The following PTK2 variants were observed in gnomAD, a reference collection of about 807,000 sequenced individuals.
The protein encoded by PTK2 is focal adhesion kinase 1.
A neutral mutation model predicts 150.1 loss-of-function variants in PTK2; 45 were observed. The observed-to-expected ratio is 0.30, with a 90% confidence interval of 0.24 to 0.38. The LOEUF (loss-of-function observed/expected upper bound fraction) is 0.38. Among genes scored for constraint, PTK2 ranks in the 10% least tolerant of loss-of-function variants. The pLI is 1.00. For synonymous variants in PTK2, 432 were observed against 449.2 expected (o/e 0.96, Z 0.48); for missense variants, 919 against 1,307.3 (o/e 0.70, Z 4.58).
intron 10 of PTK2, among the ~76,000 whole-genome samples, chr8:140,812,161 C>T (rs1464214280): frequency 6.6e-6 from 1 of 152,102 alleles, no homozygotes; most frequent in African/African-American, 2.4e-5. Context: ...CTAGAAGGGC[C>T]AGGTCACCTG....
intron 1 of PTK2, among the ~76,000 whole-genome samples, chr8:140,955,159 G>A (rs1387980703): frequency 6.6e-6 from 1 of 152,114 alleles, no homozygotes; most frequent in Admixed American, 6.6e-5. Context: ...TTATACAAAA[G>A]ACACAGATAT....
At chr8:140,911,100 A>G (rs933213450) in intron 2 of PTK2, among the ~76,000 whole-genome samples, 1 of 149,898 alleles carries the variant, frequency 6.7e-6, no homozygotes, top group Middle Eastern at 3.4e-3. Flanking sequence ...CATATTGCTC[A>G]GGCTGGTCTC....
chr8:140,981,616 T>C (rs1354220192), intron 1 of PTK2, among the ~76,000 whole-genome samples: 5 of 152,252 alleles, frequency 3.3e-5, no homozygotes, highest in South Asian at 4.1e-4. Flanking sequence ...ACATCGTATA[T>C]GGTTAAAGAA....
intron 1 of PTK2, among the ~76,000 whole-genome samples, chr8:140,976,984 CA>C (rs1433629832): frequency 6.6e-6 from 1 of 152,164 alleles, no homozygotes; most frequent in Non-Finnish European, 1.5e-5. Flanking sequence ...AAAAAAAGCT[CA>C]TTTGTTTGTA....
rs111772125 is a variant in PTK2, at chr8:140,736,606, T to C, written c.1826-1151A>G. ...CTGGCAATGAACATATAATGCAATG[T>C]AAAGGAAATGGAAAGAACTGGTGGC... On this transcript the variant is annotated intron_variant, in intron 21 of 31. Transcript: ENST00000522684. Among the ~76,000 whole-genome samples, 649 of 151,910 alleles carry C rather than the reference T, an allele frequency of 4.3e-3. 9 individuals are homozygous for C. The highest frequency in any genetic ancestry group is 0.015 in the African/African-American group (617 of 41,420).
rs558398813 is a variant in PTK2, at chr8:140,863,107, C to T, written c.450+1205G>A. 2.2e-4 allele frequency among the ~76,000 whole-genome samples: 33 copies of T among 150,958 alleles called. No individual in the cohort carries two copies. The East Asian group carries it at 5.8e-3, about 26-fold the overall frequency. On this transcript the variant is annotated intron_variant, in intron 5 of 31. Coordinates refer to ENST00000522684, the Ensembl canonical transcript of PTK2. The stretch of plus-strand genomic sequence containing the variant: ...ATAGAACAACTTACCTTCTTACCTC[C>T]TTCTTTTGAATCTAATCCACCATTG...
In PTK2 at chr8:140,998,818, CA is replaced by C. The variant is rs959649621; in HGVS notation, c.-122+2306del. ...TGGGCCACAGGGTGAGACTCCGTCTCAAAAAAAAAAAAAAAAAAACTATTTT... is the reference window on the plus strand; with the variant it reads ...TGGGCCACAGGGTGAGACTCCGTCTCAAAAAAAAAAAAAAAAAACTATTTT... On this transcript the variant is annotated intron_variant, in intron 1 of 31. Transcript: ENST00000522684. 4.1e-3 allele frequency among the ~76,000 whole-genome samples: 220 copies of C among 53,524 alleles called. 1 individual carries two copies. Among genetic ancestry groups the C allele is most frequent in the Admixed American group, 9.2e-3 (47 of 5,118 alleles). 35.1% of individuals were successfully genotyped at this position (53,524 alleles called of 152,430 possible).
In PTK2 at chr8:140,668,259, T is replaced by C. The variant is rs777585385; in HGVS notation, c.2865+10A>G. Reference sequence around the variant, plus strand: ...CATTTTTGCCAGTACACAAAATGACTCTATTTTACCTTCACCATAGGGACA... The same window carrying C: ...CATTTTTGCCAGTACACAAAATGACCCTATTTTACCTTCACCATAGGGACA... On this transcript the variant is annotated intron_variant, in intron 30 of 31. Coordinates refer to ENST00000522684, the Ensembl canonical transcript of PTK2. The C allele has an allele frequency of 3.1e-6, 5 of 1,613,992 alleles. No individual in the cohort carries two copies. Among genetic ancestry groups the C allele is most frequent in the Non-Finnish European group, 4.2e-6 (5 of 1,179,944 alleles).
At chr8:140,765,728 T>C (rs575971473) in intron 14 of PTK2, among the ~76,000 whole-genome samples, 1 of 152,306 alleles carries the variant, frequency 6.6e-6, no homozygotes, top group African/African-American at 2.4e-5. Context: ...TTGGCATCTG[T>C]AGGCCTATAG....
intron 1 of PTK2, among the ~76,000 whole-genome samples, chr8:140,963,222 C>T (rs1046828294): frequency 6.6e-6 from 1 of 152,106 alleles, no homozygotes; most frequent in African/African-American, 2.4e-5. Flanking sequence ...TAATTCTTTC[C>T]ACGAGCTATA....
chr8:140,998,231 T>C (rs185421942), intron 1 of PTK2, among the ~76,000 whole-genome samples: 1 of 152,316 alleles, frequency 6.6e-6, no homozygotes, highest in Admixed American at 6.5e-5. Flanking sequence ...TTAGAATGCC[T>C]AAACTGAAAA....
chr8:140,770,668 G>A lies in PTK2; in HGVS notation c.1178-6378C>T, dbSNP rs772194600. ...GCATCAGGTTAGAGTTAGTTTCTCT[G>A]GAGTGCTCTGGTTAATAGGAGAGCC... On this transcript the variant is annotated intron_variant, in intron 14 of 31. Transcript: ENST00000522684. 3.9e-6 allele frequency: 4 copies of A among 1,015,944 alleles called. No individual in the cohort carries two copies. The South Asian group carries it at 6.1e-5, about 16-fold the overall frequency. The allele number at this position is 1,015,944 out of a possible 1,614,324, so 62.9% of individuals were successfully genotyped here. A position where few individuals can be genotyped will look rare whatever the true frequency, so the allele number is the denominator to read the frequency against.
intron 16 of PTK2, among the ~76,000 whole-genome samples, chr8:140,756,144 G>A (rs1352891255): frequency 6.6e-6 from 1 of 151,696 alleles, no homozygotes; most frequent in East Asian, 1.9e-4. Flanking sequence ...GCAACATGGT[G>A]AAACCCTGTC....
At chr8:140,693,562 A>AT (rs547852756) in intron 26 of PTK2, among the ~76,000 whole-genome samples, 696 of 32,194 alleles carry the variant, frequency 0.022, 222 homozygotes, top group African/African-American at 0.087. Context: ...CTTTGTCTCA[A>AT]TTAAAAAAAA....
At chr8:140,922,632 G>T (rs1407607999) in intron 2 of PTK2, among the ~76,000 whole-genome samples, 1 of 152,092 alleles carries the variant, frequency 6.6e-6, no homozygotes, top group Admixed American at 6.6e-5. Context: ...GCTCTCAAAA[G>T]TTACAAAATA....
intron 16 of PTK2, among the ~76,000 whole-genome samples, chr8:140,756,046 C>T (rs1366855202): frequency 2.0e-5 from 3 of 151,966 alleles, no homozygotes; most frequent in East Asian, 3.9e-4. Flanking sequence ...TTCAACAGGC[C>T]GGGCATGGTG....
At chr8:140,750,799 C>T (rs748725508) in intron 17 of PTK2, among the ~76,000 whole-genome samples, 5 of 152,158 alleles carry the variant, frequency 3.3e-5, no homozygotes, top group Non-Finnish European at 5.9e-5. Context: ...AAAATTATTT[C>T]TAAGGGCTGG....
At chr8:140,953,702 G>A (rs868836746) in intron 1 of PTK2, among the ~76,000 whole-genome samples, 5 of 152,200 alleles carry the variant, frequency 3.3e-5, no homozygotes, top group Non-Finnish European at 2.9e-5. Context: ...ACCACAGACT[G>A]GGGGGAGGGA....
intron 24 of PTK2, among the ~76,000 whole-genome samples, chr8:140,703,093 C>A (rs1010407315): frequency 2.0e-5 from 3 of 152,092 alleles, no homozygotes; most frequent in Non-Finnish European, 4.4e-5. Flanking sequence ...AGCCTGTAAT[C>A]CTAGCACTTT....
Sources: allele counts gnomAD v4.1 joint callset (sites outside exome capture counted in the v4.1 genomes callset), GRCh38; gene constraint gnomAD v4.1.1; transcripts MANE v1.5; gene names NCBI Gene and HGNC (gene_info 2026-07-23, HGNC 2026-07-21).